TNR: variants seen among roughly 807,000 people sequenced by gnomAD.
TNR encodes the protein tenascin-R.
Under a neutral mutation model 150.4 loss-of-function variants are expected in TNR, and 45 were observed. That is an observed-to-expected ratio of 0.30 (90% CI 0.24 to 0.38). TNR has a LOEUF of 0.38. TNR is among the 10% of genes least tolerant of loss of function. The pLI, the probability that TNR is intolerant of heterozygous loss-of-function variation, is 1.00. For missense variants in TNR, 1,544 were observed against 1,759.1 expected, an observed-to-expected ratio of 0.88 and a Z score of 2.19; for synonymous variants, 687 against 678.4, an observed-to-expected ratio of 1.01 and a Z score of -0.20.
intron 1 of TNR, among the ~76,000 whole-genome samples, chr1:175,658,207 C>A (rs1408681769): frequency 2.0e-5 from 3 of 152,136 alleles, no homozygotes; most frequent in African/African-American, 7.2e-5. Context: ...GTGTGGAACC[C>A]AGGCTCTCAG....
At chr1:175,439,011 T>C (rs1476294665) in intron 2 of TNR, among the ~76,000 whole-genome samples, 2 of 152,114 alleles carry the variant, frequency 1.3e-5, no homozygotes, top group Admixed American at 6.5e-5. Flanking sequence ...CTTCACAGAA[T>C]TGGAAAAAAC....
At chr1:175,334,632 C>T (rs1040578778) in intron 20 of TNR, among the ~76,000 whole-genome samples, 2 of 152,210 alleles carry the variant, frequency 1.3e-5, no homozygotes, top group African/African-American at 2.4e-5. Context: ...CCTGCAGCCC[C>T]CACCCAGATG....
chr1:175,739,023 G>C (rs1047142009), intron 1 of TNR, among the ~76,000 whole-genome samples: 6 of 152,182 alleles, frequency 3.9e-5, no homozygotes, highest in Admixed American at 3.9e-4. Flanking sequence ...CACTTTGGCT[G>C]TCTTCTAACT....
intron 2 of TNR, among the ~76,000 whole-genome samples, chr1:175,515,088 C>T (rs548469078): frequency 1.3e-5 from 2 of 152,328 alleles, no homozygotes; most frequent in East Asian, 1.9e-4. Flanking sequence ...TTTTAAAATG[C>T]TTCTGCCCAG....
At chr1:175,361,970 C>T (rs916662514) in intron 14 of TNR, among the ~76,000 whole-genome samples, 2 of 152,194 alleles carry the variant, frequency 1.3e-5, no homozygotes, top group East Asian at 3.8e-4. Context: ...GACTACCTTT[C>T]CTCACTTTCC....
At chr1:175,696,933 A>G (rs970672113) in intron 1 of TNR, among the ~76,000 whole-genome samples, 6 of 151,790 alleles carry the variant, frequency 4.0e-5, no homozygotes, top group Non-Finnish European at 8.8e-5. Context: ...AAATGCTTTT[A>G]TATCCAAGAG....
At chr1:175,654,899 T>G (rs1030410176) in intron 1 of TNR, among the ~76,000 whole-genome samples, 1 of 152,020 alleles carries the variant, frequency 6.6e-6, no homozygotes, top group African/African-American at 2.4e-5. Context: ...TGTTTTTGTA[T>G]TTTTAGTAGA....
rs184317778 is a variant in TNR at position 175,349,267 on chromosome 1, A to G, written c.3382+5124T>C. ...TATTCCAGAAGGCATTACCTTAGTG[A>G]TCCATAAGTGGACATGTACAAAGTA... On this transcript the variant is annotated intron_variant, in intron 18 of 22. Transcript: ENST00000367674. 1.7e-3 allele frequency among the ~76,000 whole-genome samples: 266 copies of G among 152,292 alleles called. 1 individual carries two copies. The highest frequency in any genetic ancestry group is 2.7e-3 in the Non-Finnish European group (185 of 68,020).
chr1:175,326,766 C>G (rs1395923327), intron 21 of TNR, among the ~76,000 whole-genome samples: 1 of 152,160 alleles, frequency 6.6e-6, no homozygotes, highest in Non-Finnish European at 1.5e-5. Context: ...CTCCCAGGTT[C>G]AAGCGATTCT....
At chr1:175,424,362 G>T (rs1439896617) in intron 2 of TNR, among the ~76,000 whole-genome samples, 2 of 152,168 alleles carry the variant, frequency 1.3e-5, no homozygotes, top group Non-Finnish European at 2.9e-5. Context: ...TCCCAACAAG[G>T]GAAAAGCTTC....
chr1:175,410,153 G>A, intron 2 of TNR, among the ~76,000 whole-genome samples: 1 of 152,216 alleles, frequency 6.6e-6, no homozygotes, highest in East Asian at 1.9e-4. Context: ...GTGAGTTTGA[G>A]TCTCTAAGGC....
rs1342964269 is a variant in TNR, at chr1:175,323,099, A to G, written c.*258T>C. 2.8e-6 allele frequency: 1 copy of G among 360,870 alleles called. No individual in the cohort carries two copies. Among genetic ancestry groups the G allele is most frequent in the East Asian group, 4.9e-5 (1 of 20,448 alleles). 22.4% of individuals were successfully genotyped at this position (360,870 alleles called of 1,614,324 possible). The stretch of plus-strand genomic sequence containing the variant: ...AATTGGCCCTTTAAGAAAACTTCCT[A>G]CTTCTCCTCCTTGGTGGGAAAGGAG... On this transcript the variant is annotated 3_prime_UTR_variant, in exon 23 of 23. Coordinates refer to ENST00000367674, the MANE Select transcript of TNR (RefSeq NM_003285.3).
At chr1:175,642,832 G>A (rs1188222822) in intron 1 of TNR, among the ~76,000 whole-genome samples, 1 of 152,288 alleles carries the variant, frequency 6.6e-6, no homozygotes, top group East Asian at 1.9e-4. Flanking sequence ...TCAGGAGGCT[G>A]AAGCAGGAGG....
chr1:175,434,678 C>T (rs1051089469), intron 2 of TNR, among the ~76,000 whole-genome samples: 5 of 152,328 alleles, frequency 3.3e-5, no homozygotes, highest in African/African-American at 1.2e-4. Context: ...CTTACCACTC[C>T]TGGCCCCTTG....
chr1:175,470,981 T>C (rs747770618), intron 2 of TNR, among the ~76,000 whole-genome samples: 1 of 152,130 alleles, frequency 6.6e-6, no homozygotes, highest in Non-Finnish European at 1.5e-5. Context: ...GCAGAGGCAA[T>C]TGGATGCACT....
In TNR at chr1:175,324,517, C is replaced by T. The variant is rs2101978471; in HGVS notation, c.3796G>A (p.Asp1266Asn). The change falls in exon 22 of 23, where the codon GAC becomes AAC. Residue 1266 changes from aspartate to asparagine, a missense_variant and splice_region_variant. Asp to Asn is a conservative substitution (Grantham distance 23, BLOSUM62 1). Transcript: ENST00000367674. The part of the protein sequence containing the change: ...RIGSYNGTAG[D>N]SLSYHQGRPF... ...CGTCCTTGATGATAGCTGAGGGAGT[C>T]CCCTGCAAAAAAGATACATTCATTA... 1.2e-6 allele frequency: 2 copies of T among 1,609,340 alleles called. No homozygotes were observed. Among genetic ancestry groups the T allele is most frequent in the Non-Finnish European group, 1.7e-6 (2 of 1,178,498 alleles).
At chr1:175,337,702 C>A (rs376712770) in intron 18 of TNR, 23 bp from the exon 19 acceptor site, 1 of 1,612,874 alleles carries the variant, frequency 6.2e-7, no homozygotes, top group Non-Finnish European at 8.5e-7. Flanking sequence ...TAGACAATGT[C>A]CAGAAAGGAT....
rs767511849 is a variant in TNR at position 175,323,481 on chromosome 1, G to A, written c.3958-5C>T. On this transcript the variant is annotated splice_polypyrimidine_tract_variant and splice_region_variant and intron_variant, in intron 22 of 22. Coordinates refer to ENST00000367674, the MANE Select transcript of TNR (RefSeq NM_003285.3). ...CCAATGGTACCAGTTGATGCCCTGG[G>A]CGTGAGAAAGATAAGCATGTCAGGT... 7.4e-6 allele frequency: 12 copies of A among 1,613,460 alleles called. No homozygotes were observed. In the Admixed American group the frequency reaches 2.0e-4, roughly 27 times the overall value.
At chr1:175,472,295 A>G (rs544126203) in intron 2 of TNR, among the ~76,000 whole-genome samples, 86 of 152,338 alleles carry the variant, frequency 5.6e-4, no homozygotes, top group African/African-American at 1.9e-3. Context: ...CTGTGATAAC[A>G]ATGCCTTCTA....
Sources: allele counts gnomAD v4.1 joint callset (sites outside exome capture counted in the v4.1 genomes callset), GRCh38; gene constraint gnomAD v4.1.1; transcripts MANE v1.5; gene names NCBI Gene and HGNC (gene_info 2026-07-23, HGNC 2026-07-21).